BBS9: variants seen among roughly 807,000 people sequenced by gnomAD.
The protein encoded by BBS9 is Bardet-Biedl syndrome 9.
BBS9 carries 89 observed loss-of-function variants against 117.7 expected under a neutral mutation model. The observed-to-expected ratio is 0.76, with a 90% CI of 0.64 to 0.90. The LOEUF is 0.90. BBS9 is among the 40% of genes least tolerant of loss of function. The probability of loss-of-function intolerance (pLI) is 0.00; values close to 1 mark genes in which losing one functional copy is unlikely to be tolerated. For synonymous variants in BBS9, 379 were observed against 370.9 expected, an observed-to-expected ratio of 1.02 and a Z score of -0.25; for missense variants, 982 against 1,042.2, an observed-to-expected ratio of 0.94 and a Z score of 0.80.
intron 21 of BBS9, among the ~76,000 whole-genome samples, chr7:33,585,750 T>C (rs1298602624): frequency 6.6e-6 from 1 of 152,120 alleles, no homozygotes; most frequent in African/African-American, 2.4e-5. Context: ...ATAGTCTGGA[T>C]CTAGTTGTCT....
chr7:33,478,143 G>A lies in BBS9; in HGVS notation c.2116-27320G>A, dbSNP rs141223795. Among the ~76,000 whole-genome samples the A allele has an allele frequency of 5.9e-3, 895 of 152,262 alleles. 11 individuals are homozygous for A. The highest frequency in any genetic ancestry group is 0.021 in the African/African-American group (858 of 41,530). ...GTGGGCCATTAAATATGAAAGAGGTGATGAAAGGGGAATATTAAAATTATA... is the reference window on the plus strand; with the variant it reads ...GTGGGCCATTAAATATGAAAGAGGTAATGAAAGGGGAATATTAAAATTATA... On this transcript the variant is annotated intron_variant, in intron 19 of 22. Transcript: ENST00000242067.
chr7:33,144,154 C>T (rs1218775307), intron 1 of BBS9, among the ~76,000 whole-genome samples: 2 of 152,160 alleles, frequency 1.3e-5, no homozygotes, highest in African/African-American at 4.8e-5. Flanking sequence ...GCATGGTTAA[C>T]ATGTGGTGGC....
intron 5 of BBS9, among the ~76,000 whole-genome samples, chr7:33,196,473 T>G (rs1447230358): frequency 2.0e-5 from 3 of 152,180 alleles, no homozygotes; most frequent in Non-Finnish European, 2.9e-5. Context: ...GCTTTTTTTG[T>G]GTGGGGGTGT....
chr7:33,360,324 T>A (rs1820387899), intron 16 of BBS9, among the ~76,000 whole-genome samples: 1 of 152,108 alleles, frequency 6.6e-6, no homozygotes, highest in South Asian at 2.1e-4. Flanking sequence ...TGAAATTGAC[T>A]TCCTTAAGGA....
chr7:33,290,823 A>G (rs959119759), intron 9 of BBS9, among the ~76,000 whole-genome samples: 1 of 152,220 alleles, frequency 6.6e-6, no homozygotes, highest in African/African-American at 2.4e-5. Context: ...AGTAAGGAGT[A>G]TGGTTATAAA....
intron 21 of BBS9, among the ~76,000 whole-genome samples, chr7:33,536,681 T>TTCCCCCCGCCCCCCACCTC (rs1851435635): frequency 2.3e-5 from 1 of 44,208 alleles, no homozygotes; most frequent in African/African-American, 9.4e-5. Flanking sequence ...GATTCGGCCT[T>TTCCCCCCGCCCCCCACCTC]CCCCCCGCCC....
intron 5 of BBS9, chr7:33,177,799 G>T (rs1797547537): frequency 1.8e-6 from 1 of 555,634 alleles, no homozygotes; most frequent in Non-Finnish European, 3.2e-6. Flanking sequence ...AGCTAATCAG[G>T]GTCAGGCCTG....
chr7:33,307,562 A>G (rs1351123715), intron 9 of BBS9, among the ~76,000 whole-genome samples: 1 of 152,030 alleles, frequency 6.6e-6, no homozygotes, highest in Non-Finnish European at 1.5e-5. Context: ...CTGCAGATCC[A>G]AAACCTATGA....
At chr7:33,223,667 C>T (rs887552283) in intron 5 of BBS9, among the ~76,000 whole-genome samples, 2 of 150,880 alleles carry the variant, frequency 1.3e-5, no homozygotes, top group Admixed American at 1.3e-4. Context: ...TGCTCTCTTA[C>T]ACTTTTAAAA....
At chr7:33,418,218 C>T (rs1206597467) in intron 19 of BBS9, among the ~76,000 whole-genome samples, 1 of 152,208 alleles carries the variant, frequency 6.6e-6, no homozygotes, top group East Asian at 1.9e-4. Context: ...TGTTAATGGA[C>T]AGATCCATGT....
intron 5 of BBS9, among the ~76,000 whole-genome samples, chr7:33,197,771 A>G (rs942333767): frequency 2.0e-5 from 3 of 152,022 alleles, no homozygotes; most frequent in African/African-American, 2.4e-5. Context: ...TAAGTATCAT[A>G]CAAGTGTAAA....
At chr7:33,448,020 A>G (rs1009849816) in intron 19 of BBS9, among the ~76,000 whole-genome samples, 2 of 152,080 alleles carry the variant, frequency 1.3e-5, no homozygotes. Flanking sequence ...CACCCAATCT[A>G]TTTTCTAGGC....
intron 9 of BBS9, among the ~76,000 whole-genome samples, chr7:33,287,867 G>A (rs1424347366): frequency 6.6e-6 from 1 of 152,164 alleles, no homozygotes; most frequent in Admixed American, 6.5e-5. Context: ...CAGTCAGGCA[G>A]GCAGTTAGGG....
intron 19 of BBS9, among the ~76,000 whole-genome samples, chr7:33,402,197 A>G (rs1233167698): frequency 6.6e-6 from 1 of 152,144 alleles, no homozygotes; most frequent in Non-Finnish European, 1.5e-5. Context: ...AAGACCTTCA[A>G]GGGGATCCCT....
rs1816381193 is a variant in BBS9 at position 33,340,896 on chromosome 7, G to A, written c.1199-1G>A. ...ATAATTTTTCTTTTTTTAAATCACAGGTGTTTGGCCCATGACTGAGAGAGA... is the reference window on the plus strand; with the variant it reads ...ATAATTTTTCTTTTTTTAAATCACAAGTGTTTGGCCCATGACTGAGAGAGA... On this transcript the variant is annotated splice_acceptor_variant, in intron 10 of 22. Coordinates refer to ENST00000242067, the MANE Select transcript of BBS9 (RefSeq NM_198428.3). LOFTEE classifies it high-confidence loss of function. 1 of 1,611,978 alleles carries A rather than the reference G, an allele frequency of 6.2e-7. No individual in the cohort carries two copies. The highest frequency in any genetic ancestry group is 8.5e-7 in the Non-Finnish European group (1 of 1,178,844).
At chr7:33,544,462 C>T (rs919026371) in intron 21 of BBS9, among the ~76,000 whole-genome samples, 1 of 152,182 alleles carries the variant, frequency 6.6e-6, no homozygotes, top group Non-Finnish European at 1.5e-5. Context: ...TGTTGTTTCT[C>T]TTCTGGGTCT....
chr7:33,247,461 C>T (rs1210848835), intron 5 of BBS9, among the ~76,000 whole-genome samples: 1 of 152,056 alleles, frequency 6.6e-6, no homozygotes, highest in South Asian at 2.1e-4. Context: ...AGTCCCTCCC[C>T]TCCCAACACC....
chr7:33,437,179 C>A (rs1029426614), intron 19 of BBS9, among the ~76,000 whole-genome samples: 1 of 152,132 alleles, frequency 6.6e-6, no homozygotes, highest in Non-Finnish European at 1.5e-5. Context: ...TAATTAGAAA[C>A]CATCTAATTT....
intron 5 of BBS9, among the ~76,000 whole-genome samples, chr7:33,224,177 T>G (rs1423733330): frequency 6.6e-6 from 1 of 152,226 alleles, no homozygotes; most frequent in African/African-American, 2.4e-5. Context: ...ATGACTATGC[T>G]AAATTATTTG....
Sources: allele counts gnomAD v4.1 joint callset (sites outside exome capture counted in the v4.1 genomes callset), GRCh38; gene constraint gnomAD v4.1.1; transcripts MANE v1.5; gene names NCBI Gene and HGNC (gene_info 2026-07-23, HGNC 2026-07-21).